Variants in DLGAP4 observed in about 807,000 individuals in gnomAD.
DLGAP4 encodes the protein DLG associated protein 4.
In DLGAP4, 18 loss-of-function variants were observed where a neutral mutation model predicts 86.9. The observed-to-expected ratio is 0.21, with a 90% CI of 0.14 to 0.31. The LOEUF is 0.31. Among genes scored for constraint, DLGAP4 ranks in the 10% least tolerant of loss-of-function variants. The pLI is 1.00. For synonymous variants in DLGAP4, 548 were observed against 574.3 expected, an observed-to-expected ratio of 0.95 and a Z score of 0.65; for missense variants, 1,085 against 1,362.6, an observed-to-expected ratio of 0.80 and a Z score of 3.21.
At chr20:36,521,174 C>A (rs1222004232) in intron 10 of DLGAP4, among the ~76,000 whole-genome samples, 1 of 152,066 alleles carries the variant, frequency 6.6e-6, no homozygotes, top group Non-Finnish European at 1.5e-5. Context: ...AGGTTGCTCT[C>A]GAACTCCTGG....
chr20:36,436,000 A>T (rs1049247609), intron 3 of DLGAP4, 109 bp from the exon 4 acceptor site: 2 of 1,407,432 alleles, frequency 1.4e-6, no homozygotes, highest in African/African-American at 1.5e-5. Flanking sequence ...CCAGCACGTG[A>T]GCCCGAATTC....
intron 7 of DLGAP4, among the ~76,000 whole-genome samples, chr20:36,458,349 T>C (rs1007256683): frequency 3.6e-5 from 5 of 140,442 alleles, no homozygotes; most frequent in Non-Finnish European, 7.8e-5. Context: ...CATATCTTTT[T>C]TTTTTTTTTT....
chr20:36,425,595 G>T (rs189704207), intron 2 of DLGAP4, among the ~76,000 whole-genome samples: 3 of 151,984 alleles, frequency 2.0e-5, no homozygotes, highest in Non-Finnish European at 2.9e-5. Context: ...AGGCCAAGGC[G>T]GGTGGATCAC....
At chr20:36,316,551 G>A (rs1315135778) in intron 1 of DLGAP4, among the ~76,000 whole-genome samples, 5 of 152,256 alleles carry the variant, frequency 3.3e-5, no homozygotes, top group East Asian at 1.9e-4. Flanking sequence ...CCCCCACAGC[G>A]GACTAGACTG....
At position 36,350,089 on chromosome 20, in the gene DLGAP4, G is replaced by A. The variant is rs1018357922; in HGVS notation, c.-303-16956G>A. On this transcript the variant is annotated intron_variant, in intron 1 of 12. Transcript: ENST00000339266. The surrounding 1 kb of genome is among the most constrained non-coding windows in gnomAD (Gnocchi z 4.4). ...CATTTTTAGCCTGTGGGTCTCAAGCGGCTTCTGGTGTCCCTCAGACATGTA... is the reference window on the plus strand; with the variant it reads ...CATTTTTAGCCTGTGGGTCTCAAGCAGCTTCTGGTGTCCCTCAGACATGTA... Among the ~76,000 whole-genome samples the A allele has an allele frequency of 1.2e-4, 19 of 152,160 alleles. No homozygotes were observed. Among genetic ancestry groups the A allele is most frequent in the Admixed American group, 2.0e-4 (3 of 15,282 alleles).
At chr20:36,351,556 G>A (rs6028547) in intron 1 of DLGAP4, among the ~76,000 whole-genome samples, 4 of 151,794 alleles carry the variant, frequency 2.6e-5, no homozygotes, top group South Asian at 2.1e-4. Flanking sequence ...CTGATTCTGC[G>A]TTATGGTGAG....
chr20:36,432,821 G>A lies in DLGAP4; in HGVS notation c.999+105G>A, dbSNP rs1160518325. The A allele has an allele frequency of 1.4e-6, 2 of 1,407,970 alleles. No homozygotes were observed. The highest frequency in any genetic ancestry group is 2.5e-5 in the East Asian group (1 of 40,808). 87.2% of individuals were successfully genotyped at this position (1,407,970 alleles called of 1,614,324 possible). A position where few individuals can be genotyped will look rare whatever the true frequency, so the allele number is the denominator to read the frequency against. On this transcript the variant is annotated intron_variant, in intron 3 of 12. Coordinates refer to ENST00000339266, the MANE Select transcript of DLGAP4 (RefSeq NM_001365621.2). This position sits in a 1 kb window ranked among gnomAD's most constrained non-coding sequence, Gnocchi z 6.5. ...TCACTTGGAAAGTCACTTCATTCTGGGCCTCTGTGGCTCAGCTATAAAATG... is the reference window on the plus strand; with the variant it reads ...TCACTTGGAAAGTCACTTCATTCTGAGCCTCTGTGGCTCAGCTATAAAATG...
rs1223759878 is a variant in DLGAP4 at position 36,514,363 on chromosome 20, A to G, written c.2513-9887A>G. ...CATGCATGGATTTTCCTGTACAAGG[A>G]AGCAGAGAAATGGAGGGATGTAGGG... On this transcript the variant is annotated intron_variant, in intron 10 of 12. Coordinates refer to ENST00000339266, the MANE Select transcript of DLGAP4 (RefSeq NM_001365621.2). 1.3e-5 allele frequency among the ~76,000 whole-genome samples: 2 copies of G among 152,190 alleles called. 1 individual carries two copies. Among genetic ancestry groups the G allele is most frequent in the Non-Finnish European group, 2.9e-5 (2 of 68,024 alleles).
At chr20:36,369,166 G>A (rs558433243) in intron 2 of DLGAP4, among the ~76,000 whole-genome samples, 4 of 152,332 alleles carry the variant, frequency 2.6e-5, no homozygotes, top group South Asian at 4.1e-4. Context: ...AGCCGAAGCC[G>A]GAGCTAGAAA....
chr20:36,436,262 C>A lies in DLGAP4; in HGVS notation c.1153C>A (p.Pro385Thr). Residue 385 changes from proline to threonine, a missense_variant, in exon 4 of 13, where the codon CCC (proline) becomes ACC (threonine). This residue lies in a region of DLGAP4 where 1,082 missense variants were observed against 1,344.1 expected (regional missense o/e 0.81). Coordinates refer to ENST00000339266, the MANE Select transcript of DLGAP4 (RefSeq NM_001365621.2). ...GGACAGCGACGAGTCCGGCGGCAGC[C>A]CCAAGCCCTCACCCAAGACCGCGGC... ...DEDSDESGGS[P>T]KPSPKTAARR... 6.2e-7 allele frequency: 1 copy of A among 1,605,946 alleles called. No homozygotes were observed. Among genetic ancestry groups the A allele is most frequent in the South Asian group, 1.1e-5 (1 of 90,888 alleles).
At chr20:36,356,295 G>GT (rs2147396054) in intron 1 of DLGAP4, among the ~76,000 whole-genome samples, 1 of 150,050 alleles carries the variant, frequency 6.7e-6, no homozygotes, top group African/African-American at 2.5e-5. Context: ...TGGTTTCATT[G>GT]TTTTTGTTTG....
chr20:36,494,231 G>A (rs1014105006), intron 7 of DLGAP4, among the ~76,000 whole-genome samples: 2 of 152,130 alleles, frequency 1.3e-5, no homozygotes, highest in African/African-American at 2.4e-5. Flanking sequence ...GCACTTTGTG[G>A]CCTCTGGACT....
At chr20:36,443,401 C>G (rs2033505009) in intron 6 of DLGAP4, among the ~76,000 whole-genome samples, 1 of 152,154 alleles carries the variant, frequency 6.6e-6, no homozygotes, top group Admixed American at 6.5e-5. Context: ...GAAAGGTACT[C>G]TGAGATCAAC....
intron 10 of DLGAP4, among the ~76,000 whole-genome samples, chr20:36,505,897 G>C (rs2036343540): frequency 6.6e-6 from 1 of 152,202 alleles, no homozygotes; most frequent in Non-Finnish European, 1.5e-5. Context: ...GAGGAATGGG[G>C]AAGAGGAGGA....
chr20:36,449,831 T>G (rs1008227041), intron 7 of DLGAP4, among the ~76,000 whole-genome samples: 14 of 152,362 alleles, frequency 9.2e-5, no homozygotes, highest in African/African-American at 3.4e-4. Flanking sequence ...ACAATTATGC[T>G]GCATAACAAA....
At chr20:36,491,797 A>AC (rs1569517808) in intron 7 of DLGAP4, among the ~76,000 whole-genome samples, 1 of 152,222 alleles carries the variant, frequency 6.6e-6, no homozygotes, top group East Asian at 1.9e-4. Context: ...GTTTTTGGCA[A>AC]CTGAGGGTTT....
intron 1 of DLGAP4, among the ~76,000 whole-genome samples, chr20:36,351,023 C>A (rs1158277604): frequency 4.6e-5 from 7 of 152,256 alleles, no homozygotes; most frequent in African/African-American, 1.7e-4. Flanking sequence ...CCAGCGTGTG[C>A]CGCCTGCCCT....
chr20:36,380,593 A>AAGAGAGAGAG (rs57814145), intron 2 of DLGAP4, among the ~76,000 whole-genome samples: 3 of 97,210 alleles, frequency 3.1e-5, no homozygotes, highest in Non-Finnish European at 6.3e-5. Context: ...GTCTGCATTA[A>AAGAGAGAGAG]AGAGAGAGAG....
At chr20:36,496,272 A>T (rs914416671) in intron 7 of DLGAP4, among the ~76,000 whole-genome samples, 1 of 152,074 alleles carries the variant, frequency 6.6e-6, no homozygotes, top group African/African-American at 2.4e-5. Flanking sequence ...GGGAGCACTG[A>T]GTCTCTCAGT....
Sources: gnomAD v4.1 joint callset for allele counts (sites outside exome capture counted in the v4.1 genomes callset) on GRCh38, gnomAD v4.1.1 for gene constraint, gnomAD v4.1.1 regional missense constraint, Gnocchi (gnomAD v3.1) non-coding constraint, MANE v1.5 for transcripts, NCBI Gene and HGNC (gene_info 2026-07-23, HGNC 2026-07-21) for gene names.